ENGASE: variants seen among roughly 807,000 people sequenced by gnomAD.
ENGASE encodes endo-beta-N-acetylglucosaminidase.
Under a neutral mutation model 78.5 loss-of-function variants are expected in ENGASE, and 69 were observed. The ratio of observed to expected loss-of-function variants is 0.88; its 90% CI spans 0.72 to 1.07. ENGASE has a LOEUF of 1.07. Among genes scored for constraint, ENGASE ranks in the 50% least tolerant of loss-of-function variants. The probability of loss-of-function intolerance (pLI) is 0.00; values close to 1 mark genes in which losing one functional copy is unlikely to be tolerated. For missense variants in ENGASE, 943 were observed against 988.4 expected, an observed-to-expected ratio of 0.95 and a Z score of 0.62; for synonymous variants, 408 against 408.9, an observed-to-expected ratio of 1.00 and a Z score of 0.03.
chr17:79,086,484 C>A lies in ENGASE; in HGVS notation c.*135C>A. On this transcript the variant is annotated 3_prime_UTR_variant, in exon 14 of 14. Transcript: ENST00000579016. ...CCGGTCCCGGGGCTGGGGTGGGAGA[C>A]CCCGGGCTGAGTGCTGTGGCTTTCT... is the stretch of plus-strand genomic sequence containing the variant. 1 of 1,126,846 alleles carries A rather than the reference C, an allele frequency of 8.9e-7. No individual in the cohort carries two copies. The highest frequency in any genetic ancestry group is 2.6e-5 in the East Asian group (1 of 38,634). 69.8% of individuals were successfully genotyped at this position (1,126,846 alleles called of 1,614,324 possible). A position where few individuals can be genotyped will look rare whatever the true frequency, so the allele number is the denominator to read the frequency against.
At position 79,086,962 on chromosome 17, in the gene ENGASE, C is replaced by T. The variant is rs1455112717; in HGVS notation, c.*613C>T. On this transcript the variant is annotated 3_prime_UTR_variant, in exon 14 of 14. Transcript: ENST00000579016. ...GCTGGCTTCGTGCCTCCACGTGGGCCAGCCCCAGCTGCTCCGTGTTTCCTG... is the reference window on the plus strand; with the variant it reads ...GCTGGCTTCGTGCCTCCACGTGGGCTAGCCCCAGCTGCTCCGTGTTTCCTG... The T allele has an allele frequency of 2.0e-6, 1 of 496,908 alleles. No homozygotes were observed. Among genetic ancestry groups the T allele is most frequent in the African/African-American group, 1.9e-5 (1 of 51,490 alleles). 30.8% of individuals were successfully genotyped at this position (496,908 alleles called of 1,614,324 possible).
chr17:79,086,704 A>G lies in ENGASE; in HGVS notation c.*355A>G. On this transcript the variant is annotated 3_prime_UTR_variant, in exon 14 of 14. Transcript: ENST00000579016. ...TTTCCTAATAGGCTGCAAGATGCTG[A>G]TGCCGAGAATGATGATTTTCTTTCC... 1 of 403,046 alleles carries G rather than the reference A, an allele frequency of 2.5e-6. No individual in the cohort carries two copies. The highest frequency in any genetic ancestry group is 4.7e-6 in the Non-Finnish European group (1 of 211,022). 25.0% of individuals were successfully genotyped at this position (403,046 alleles called of 1,614,324 possible).
chr17:79,087,109 T>G lies in ENGASE; in HGVS notation c.*760T>G, dbSNP rs2073338540. 1.1e-5 allele frequency: 5 copies of G among 454,240 alleles called. No homozygotes were observed. In the Admixed American group the frequency reaches 1.2e-4, roughly 11 times the overall value. 28.1% of individuals were successfully genotyped at this position (454,240 alleles called of 1,614,324 possible). On this transcript the variant is annotated 3_prime_UTR_variant, in exon 14 of 14. Coordinates refer to ENST00000579016, the MANE Select transcript of ENGASE (RefSeq NM_001042573.3). ...GCAGGGAAGTGGCTCTGAGGCAGTCTGCGCTGTGGCCCTGCCTCTGCCCAG... is the reference window on the plus strand; with the variant it reads ...GCAGGGAAGTGGCTCTGAGGCAGTCGGCGCTGTGGCCCTGCCTCTGCCCAG...
chr17:79,077,990 T>C (rs2073011848), intron 3 of ENGASE, 126 bp downstream of exon 3: 2 of 929,010 alleles, frequency 2.2e-6, no homozygotes, highest in African/African-American at 1.7e-5. Context: ...AGACGGGCAT[T>C]GGAGGGATGG....
Position 79,087,011 on chromosome 17 carries a change from T to A in ENGASE, c.*662T>A, listed in dbSNP as rs551309244. 8 of 505,442 alleles carry A rather than the reference T, an allele frequency of 1.6e-5. No homozygotes were observed. Among genetic ancestry groups the A allele is most frequent in the African/African-American group, 1.5e-4 (8 of 51,826 alleles). 31.3% of individuals were successfully genotyped at this position (505,442 alleles called of 1,614,324 possible). On this transcript the variant is annotated 3_prime_UTR_variant, in exon 14 of 14. Coordinates refer to ENST00000579016, the MANE Select transcript of ENGASE (RefSeq NM_001042573.3). Reference sequence around the variant, plus strand: ...TGGCGTTGGCAATTTACTGTGCTGCTGAGTGTGAGGTCATCTCCGGAGCGT... The same window carrying A: ...TGGCGTTGGCAATTTACTGTGCTGCAGAGTGTGAGGTCATCTCCGGAGCGT...
In ENGASE at chr17:79,075,300, C is replaced by T. The variant is rs556531408; in HGVS notation, c.146+210C>T. On this transcript the variant is annotated intron_variant, in intron 1 of 13. Transcript: ENST00000579016. ...GCCACTGCCGGGCAGCGGCCTCCGG[C>T]CCCCGTGCGTGACCCCTGCCTATCT... 3.1e-3 allele frequency among the ~76,000 whole-genome samples: 470 copies of T among 152,330 alleles called. 1 individual carries two copies. The highest frequency in any genetic ancestry group is 0.011 in the African/African-American group (445 of 41,590).
At chr17:79,085,775 G>T (rs530742016) in intron 13 of ENGASE, 41 bp downstream of exon 13, 1 of 1,607,004 alleles carries the variant, frequency 6.2e-7, no homozygotes, top group Non-Finnish European at 8.5e-7. Flanking sequence ...CTGGCTGTTT[G>T]TCCAGCTGGA....
rs1322473804 is a variant in ENGASE, at chr17:79,083,842, G to T, written c.1333G>T (p.Gly445Cys). ...LFGEHRLGGD[G>C]RGWVRTHCCL... ...TGGAGAACACAGGCTGGGAGGGGAT[G>T]GCCGGGGCTGGGTGAGGACGCACTG... The change falls in exon 10 of 14, where the codon GGC (glycine) becomes TGC (cysteine). Residue 445 changes from glycine to cysteine, a missense_variant. Coordinates refer to ENST00000579016, the MANE Select transcript of ENGASE (RefSeq NM_001042573.3). This position sits in a 1 kb window ranked among gnomAD's most constrained non-coding sequence, Gnocchi z 4.9. 6.2e-7 allele frequency: 1 copy of T among 1,612,912 alleles called. No individual in the cohort carries two copies. The highest frequency in any genetic ancestry group is 1.7e-5 in the Admixed American group (1 of 59,812).
intron 12 of ENGASE, 89 bp downstream of exon 12, chr17:79,085,431 C>G: frequency 7.4e-7 from 1 of 1,346,816 alleles, no homozygotes; most frequent in Non-Finnish European, 1.0e-6. Flanking sequence ...GGGCCCTGGG[C>G]TGGCCCCCAG....
rs2073193122 is a variant in ENGASE at position 79,083,127 on chromosome 17, A to AGTCCTGCT, written c.1142+11_1142+18dup. The stretch of plus-strand genomic sequence containing the variant: ...ATTTCTTCCAGAACCAGGACAAGTG[A>AGTCCTGCT]GTCCTGCTGTCCTGGGTGCTTAGTG... On this transcript the variant is annotated splice_donor_region_variant and intron_variant, in intron 8 of 13. Transcript: ENST00000579016. The surrounding 1 kb of genome is among the most constrained non-coding windows in gnomAD (Gnocchi z 4.9). 1 of 1,601,884 alleles carries AGTCCTGCT rather than the reference A, an allele frequency of 6.2e-7. No individual in the cohort carries two copies. The highest frequency in any genetic ancestry group is 8.6e-7 in the Non-Finnish European group (1 of 1,169,466).
intron 1 of ENGASE, among the ~76,000 whole-genome samples, chr17:79,075,492 G>C (rs926349865): frequency 6.6e-6 from 1 of 152,248 alleles, no homozygotes; most frequent in African/African-American, 2.4e-5. Flanking sequence ...CCTTCTGTAG[G>C]GGTGACACTA....
chr17:79,086,615 C>T lies in ENGASE; in HGVS notation c.*266C>T. ...TTCTGCCTTGTCCCTCCCCACGGTA[C>T]CTGGTTCCCAGGTGAAAATGAAAGG... On this transcript the variant is annotated 3_prime_UTR_variant, in exon 14 of 14. Transcript: ENST00000579016. The T allele has an allele frequency of 1.8e-6, 1 of 554,916 alleles. No individual in the cohort carries two copies. Among genetic ancestry groups the T allele is most frequent in the Non-Finnish European group, 3.2e-6 (1 of 310,122 alleles). The allele number at this position is 554,916 out of a possible 1,614,324, so 34.4% of individuals were successfully genotyped here.
chr17:79,083,257 G>C lies in ENGASE; in HGVS notation c.1142+134G>C. ...GTGGTTAAGGGAGGATGACAGGGGA[G>C]GAAGCCAGCACCCTGGCTGCTTCCG... On this transcript the variant is annotated intron_variant, in intron 8 of 13. Transcript: ENST00000579016. The surrounding 1 kb of genome is among the most constrained non-coding windows in gnomAD (Gnocchi z 4.9). 2 of 780,194 alleles carry C rather than the reference G, an allele frequency of 2.6e-6. No individual in the cohort carries two copies. The highest frequency in any genetic ancestry group is 4.1e-6 in the Non-Finnish European group (2 of 486,750). 48.3% of individuals were successfully genotyped at this position (780,194 alleles called of 1,614,324 possible).
chr17:79,087,261 CGG>C lies in ENGASE; in HGVS notation c.*916_*917del. ...CTGAGTGCAGGAGCTGCAGGACCCG[CGG>C]GGGCTTTTCCAGCTACTCTGTTCCT... On this transcript the variant is annotated 3_prime_UTR_variant, in exon 14 of 14. Transcript: ENST00000579016. 2.9e-6 allele frequency: 1 copy of C among 346,776 alleles called. No individual in the cohort carries two copies. The highest frequency in any genetic ancestry group is 7.5e-5 in the East Asian group (1 of 13,382). The allele number at this position is 346,776 out of a possible 1,614,324, so 21.5% of individuals were successfully genotyped here.
At position 79,082,066 on chromosome 17, in the gene ENGASE, GGGTGGT is replaced by G; in HGVS notation, c.1038+6_1038+11del. The G allele has an allele frequency of 6.2e-7, 1 of 1,614,202 alleles. No homozygotes were observed. The highest frequency in any genetic ancestry group is 8.5e-7 in the Non-Finnish European group (1 of 1,180,024). ...GAGGCCGATTCGACACAGACAAGGTGGGTGGTGGCTTTCGTCCAAGGGCCAGCGGCC... is the reference window on the plus strand; with the variant it reads ...GAGGCCGATTCGACACAGACAAGGTGGGCTTTCGTCCAAGGGCCAGCGGCC... On this transcript the variant is annotated splice_donor_5th_base_variant and intron_variant, in intron 7 of 13. Coordinates refer to ENST00000579016, the MANE Select transcript of ENGASE (RefSeq NM_001042573.3).
At chr17:79,082,779 C>T (rs947012084) in intron 7 of ENGASE, 1 of 1,472,938 alleles carries the variant, frequency 6.8e-7, no homozygotes, top group Non-Finnish European at 9.0e-7. Flanking sequence ...TGGGGCCCAG[C>T]CCCTGCCCCC....
rs2073093663 is a variant in ENGASE, at chr17:79,080,310, C to T, written c.669C>T (p.Ile223=). 3 of 1,613,832 alleles carry T rather than the reference C, an allele frequency of 1.9e-6. No homozygotes were observed. The highest frequency in any genetic ancestry group is 2.5e-6 in the Non-Finnish European group (3 of 1,180,006). ...CAGTGGCTGACCGGCTGGTCCAGAT[C>T]ACTCAGTTTTTTCGTTTTGATGGCT... ...YQAVADRLVQ[I]TQFFRFDGWL... is the part of the protein sequence containing the mutation. Residue 223 remains isoleucine (I), a synonymous_variant, in exon 5 of 14, where the codon ATC becomes ATT. Transcript: ENST00000579016.
chr17:79,083,674 G>A lies in ENGASE; in HGVS notation c.1251+84G>A, dbSNP rs970009048. 17 of 1,528,268 alleles carry A rather than the reference G, an allele frequency of 1.1e-5. No individual in the cohort carries two copies. The African/African-American group carries it at 1.1e-4, about 10-fold the overall frequency. 94.7% of individuals were successfully genotyped at this position (1,528,268 alleles called of 1,614,324 possible). On this transcript the variant is annotated intron_variant, in intron 9 of 13. Coordinates refer to ENST00000579016, the MANE Select transcript of ENGASE (RefSeq NM_001042573.3). The surrounding 1 kb of genome is among the most constrained non-coding windows in gnomAD (Gnocchi z 4.9). ...GAGCCTGGGACTTGCCAGCAGGCACGGTGGTGGTCTTACCCTTCCCTGCCG... is the reference window on the plus strand; with the variant it reads ...GAGCCTGGGACTTGCCAGCAGGCACAGTGGTGGTCTTACCCTTCCCTGCCG...
intron 10 of ENGASE, chr17:79,084,182 C>G: frequency 1.8e-6 from 1 of 563,176 alleles, no homozygotes; most frequent in Non-Finnish European, 3.1e-6. Context: ...CGTGACAGAT[C>G]CCTAGAACTG....
Sources: gnomAD v4.1 joint callset for allele counts (sites outside exome capture counted in the v4.1 genomes callset) on GRCh38, gnomAD v4.1.1 for gene constraint, Gnocchi (gnomAD v3.1) non-coding constraint, MANE v1.5 for transcripts, NCBI Gene and HGNC (gene_info 2026-07-23, HGNC 2026-07-21) for gene names.